CFAP20DC: variants seen among roughly 807,000 people sequenced by gnomAD.
CFAP20DC encodes CFAP20 domain containing.
In CFAP20DC, 84 loss-of-function variants were observed where a neutral mutation model predicts 101.7. The ratio of observed to expected loss-of-function variants is 0.83; its 90% CI spans 0.69 to 0.99. The LOEUF (loss-of-function observed/expected upper bound fraction) is 0.99. Ranked by LOEUF, CFAP20DC falls within the 50% of genes least tolerant of loss-of-function variation. The pLI is 0.00. For missense variants in CFAP20DC, 1,007 were observed against 970.3 expected (o/e 1.04, Z -0.50); for synonymous variants, 359 against 351.2 (o/e 1.02, Z -0.25).
rs1370920561 is a variant in CFAP20DC, at chr3:58,849,028, T to C, written c.1971+4A>G. ...CATCTGTAAACCACACGGGAACCAC[T>C]TACAGATGCTTCGGGGATCGAGCTC... is the stretch of plus-strand genomic sequence containing the variant. On this transcript the variant is annotated splice_donor_region_variant and intron_variant, in intron 13 of 16. Transcript: ENST00000482387. The C allele has an allele frequency of 2.0e-6, 3 of 1,534,798 alleles. No homozygotes were observed. The highest frequency in any genetic ancestry group is 2.4e-5 in the East Asian group (1 of 40,896).
intron 12 of CFAP20DC, among the ~76,000 whole-genome samples, chr3:58,852,418 T>A (rs2078333511): frequency 6.6e-6 from 1 of 151,634 alleles, no homozygotes; most frequent in Non-Finnish European, 1.5e-5. Flanking sequence ...CTGTCAACAT[T>A]AGACAGATCA....
chr3:58,819,822 G>T lies in CFAP20DC; in HGVS notation c.2175+11864C>A, dbSNP rs1170584142. 4.0e-5 allele frequency among the ~76,000 whole-genome samples: 6 copies of T among 148,886 alleles called. No homozygotes were observed. In the East Asian group the frequency reaches 6.7e-4, roughly 17 times the overall value. On this transcript the variant is annotated intron_variant, in intron 14 of 16. Coordinates refer to ENST00000482387, the MANE Select transcript of CFAP20DC (RefSeq NM_001394063.1). ...CCAGCATCATCCTGATACCAAAGCCGGGCAGAGACACAGCCAAAAAAGAGA... is the reference window on the plus strand; with the variant it reads ...CCAGCATCATCCTGATACCAAAGCCTGGCAGAGACACAGCCAAAAAAGAGA...
At chr3:58,982,189 A>G (rs1358746766) in intron 4 of CFAP20DC, among the ~76,000 whole-genome samples, 1 of 152,254 alleles carries the variant, frequency 6.6e-6, no homozygotes, top group Non-Finnish European at 1.5e-5. Flanking sequence ...AATGGCAATC[A>G]TTAAAAAGTC....
chr3:58,997,718 AC>A (rs2093179271), intron 4 of CFAP20DC, among the ~76,000 whole-genome samples: 2 of 152,118 alleles, frequency 1.3e-5, no homozygotes, highest in African/African-American at 4.8e-5. Context: ...TATTTTAAGG[AC>A]CTCTAAGCCT....
intron 15 of CFAP20DC, among the ~76,000 whole-genome samples, chr3:58,790,644 G>A (rs2072771990): frequency 1.3e-5 from 2 of 152,310 alleles, no homozygotes; most frequent in East Asian, 1.9e-4. Flanking sequence ...AAAGCCAAAT[G>A]TAAGACATTA....
intron 15 of CFAP20DC, among the ~76,000 whole-genome samples, chr3:58,774,214 A>G (rs1415743301): frequency 1.3e-5 from 2 of 152,200 alleles, no homozygotes; most frequent in Non-Finnish European, 2.9e-5. Context: ...TACAGCTGTA[A>G]TCAATTTAAT....
chr3:58,722,028 C>A lies in CFAP20DC; in HGVS notation c.198-4400G>T, dbSNP rs943868563. On this transcript the variant is annotated intron_variant, in intron 3 of 3. Coordinates refer to the CFAP20DC transcript ENST00000486145. This position sits in a 1 kb window ranked among gnomAD's most constrained non-coding sequence, Gnocchi z 4.5. ...GGACTAGTTCAGAAAAGGTCATGAG[C>A]TTTGTTTTCTTTTTACCTAGCTCAC... 6.6e-6 allele frequency among the ~76,000 whole-genome samples: 1 copy of A among 152,182 alleles called. No individual in the cohort carries two copies. Among genetic ancestry groups the A allele is most frequent in the Admixed American group, 6.5e-5 (1 of 15,276 alleles).
chr3:58,983,648 C>T (rs763799996), intron 4 of CFAP20DC, among the ~76,000 whole-genome samples: 5 of 152,080 alleles, frequency 3.3e-5, no homozygotes, highest in Non-Finnish European at 5.9e-5. Flanking sequence ...ATCACCATAA[C>T]ACACCAAAAT....
intron 14 of CFAP20DC, among the ~76,000 whole-genome samples, chr3:58,816,991 C>G (rs915011549): frequency 6.6e-6 from 1 of 152,160 alleles, no homozygotes; most frequent in East Asian, 1.9e-4. Context: ...CCCTGACCCC[C>G]GAGCAGCCTA....
At chr3:58,717,158 T>A (rs1424151202), downstream of CFAP20DC, among the ~76,000 whole-genome samples, 1 of 151,900 alleles carries the variant, frequency 6.6e-6, no homozygotes, top group African/African-American at 2.4e-5. This position sits in a 1 kb window ranked among gnomAD's most constrained non-coding sequence, Gnocchi z 4.1. Context: ...CAGTGTGACA[T>A]CTTGTGGAAG....
At chr3:58,948,954 C>T (rs1042549148) in intron 4 of CFAP20DC, among the ~76,000 whole-genome samples, 1 of 152,150 alleles carries the variant, frequency 6.6e-6, no homozygotes, top group Non-Finnish European at 1.5e-5. Flanking sequence ...TTAATTATTG[C>T]CTCAATTTCA....
rs1444330256 is a variant in CFAP20DC, at chr3:59,046,226, T to TA, written c.205+2dup. Reference sequence around the variant, plus strand: ...AAGTTTCAATATTAAAAATATTACTTACGGCTTTGCTTATTCTCCTTTGGT... The same window carrying TA: ...AAGTTTCAATATTAAAAATATTACTTAACGGCTTTGCTTATTCTCCTTTGGT... On this transcript the variant is annotated splice_region_variant and intron_variant, in intron 3 of 16. Coordinates refer to ENST00000482387, the MANE Select transcript of CFAP20DC (RefSeq NM_001394063.1). 6.6e-7 allele frequency: 1 copy of TA among 1,522,544 alleles called. No homozygotes were observed. Among genetic ancestry groups the TA allele is most frequent in the African/African-American group, 1.4e-5 (1 of 72,566 alleles). 94.3% of individuals were successfully genotyped at this position (1,522,544 alleles called of 1,614,324 possible). A position where few individuals can be genotyped will look rare whatever the true frequency, so the allele number is the denominator to read the frequency against.
At position 58,894,128 on chromosome 3, in the gene CFAP20DC, A is replaced by C. The variant is rs1243981084; in HGVS notation, c.551-9419T>G. Among the ~76,000 whole-genome samples the C allele has an allele frequency of 2.0e-5, 3 of 152,122 alleles. No individual in the cohort carries two copies. Among genetic ancestry groups the C allele is most frequent in the African/African-American group, 7.2e-5 (3 of 41,432 alleles). On this transcript the variant is annotated intron_variant, in intron 6 of 16. Coordinates refer to ENST00000482387, the MANE Select transcript of CFAP20DC (RefSeq NM_001394063.1). The surrounding 1 kb of genome is among the most constrained non-coding windows in gnomAD (Gnocchi z 4.1). ...ACAACACGTGGGAATTCAAGATGAG[A>C]CTTGGGTGAGGACACAGCCAAACCA...
At chr3:58,853,388 C>T (rs1201374707) in intron 12 of CFAP20DC, among the ~76,000 whole-genome samples, 9 of 152,222 alleles carry the variant, frequency 5.9e-5, no homozygotes, top group East Asian at 1.9e-4. Context: ...GACTCACAGC[C>T]GAATTCTACC....
chr3:58,753,621 A>C (rs1266229849), intron 16 of CFAP20DC, 148 bp downstream of exon 16: 2 of 612,102 alleles, frequency 3.3e-6, no homozygotes, highest in Admixed American at 6.7e-5. Flanking sequence ...TTATTCTAAA[A>C]AATGAGGCTC....
At chr3:58,829,056 G>A (rs960667953) in intron 14 of CFAP20DC, among the ~76,000 whole-genome samples, 7 of 152,096 alleles carry the variant, frequency 4.6e-5, no homozygotes, top group African/African-American at 9.7e-5. Context: ...GGGACAGGCC[G>A]GGCATGGTGG....
chr3:58,913,888 G>C lies in CFAP20DC; in HGVS notation c.394-24C>G. ...CACTAAAATAGAGAGATGCAAAGAA[G>C]AGTAAGGACCTTTCATCAACACATA... is the stretch of plus-strand genomic sequence containing the variant. On this transcript the variant is annotated intron_variant, in intron 5 of 16. Transcript: ENST00000482387. The surrounding 1 kb of genome is among the most constrained non-coding windows in gnomAD (Gnocchi z 4.4). The C allele has an allele frequency of 6.2e-7, 1 of 1,611,820 alleles. No individual in the cohort carries two copies.
downstream of CFAP20DC, among the ~76,000 whole-genome samples, chr3:58,741,598 G>A (rs1227870346): frequency 1.1e-4 from 16 of 151,732 alleles, no homozygotes; most frequent in Admixed American, 2.6e-4. Context: ...CTGGGTTCGC[G>A]CCATTCTCCT....
intron 5 of CFAP20DC, among the ~76,000 whole-genome samples, chr3:58,922,965 C>T (rs1026330107): frequency 1.1e-4 from 16 of 152,092 alleles, no homozygotes; most frequent in African/African-American, 3.4e-4. Context: ...GTGTCATTGT[C>T]ATATATTTTA....
Sources: allele counts gnomAD v4.1 joint callset (sites outside exome capture counted in the v4.1 genomes callset), GRCh38; gene constraint gnomAD v4.1.1; non-coding constraint Gnocchi (gnomAD v3.1); transcripts MANE v1.5; gene names NCBI Gene and HGNC (gene_info 2026-07-23, HGNC 2026-07-21).